The following SNRPC variants were observed in gnomAD, a reference collection of about 807,000 sequenced individuals.
The protein encoded by SNRPC is U1 small nuclear ribonucleoprotein C.
In SNRPC, 5 loss-of-function variants were observed where a neutral mutation model predicts 20.0. That is an observed-to-expected ratio of 0.25 (90% CI 0.13 to 0.53). The LOEUF is 0.53. SNRPC is among the 20% of genes least tolerant of loss of function. The pLI is 0.96. For synonymous variants in SNRPC, 61 were observed against 58.7 expected (o/e 1.04, Z -0.18); for missense variants, 112 against 224.1 (o/e 0.50, Z 3.19).
chr6:34,772,761 C>T (rs1005136097), intron 5 of SNRPC, among the ~76,000 whole-genome samples: 1 of 152,154 alleles, frequency 6.6e-6, no homozygotes, highest in Non-Finnish European at 1.5e-5. Context: ...TGTTCCTCCC[C>T]TACCCCTCTG....
Position 34,767,903 on chromosome 6 carries a change from C to CTCA in SNRPC, c.161-5_161-4insTCA. The CTCA allele has an allele frequency of 6.7e-7, 1 of 1,491,512 alleles. No homozygotes were observed. The highest frequency in any genetic ancestry group is 9.0e-7 in the Non-Finnish European group (1 of 1,109,488). 92.4% of individuals were successfully genotyped at this position (1,491,512 alleles called of 1,614,324 possible). A position where few individuals can be genotyped will look rare whatever the true frequency, so the allele number is the denominator to read the frequency against. On this transcript the variant is annotated splice_polypyrimidine_tract_variant and splice_region_variant and intron_variant, in intron 3 of 5. Transcript: ENST00000244520. ...TTTTTTTTTTTTTTTCCTCACCCTC[C>CTCA]AAAGCGGCTGCATTTCAACAAGGAA...
In SNRPC at chr6:34,773,419, C is replaced by G; in HGVS notation, c.356-27C>G. ...AATCGTATTTTCTGACTCCCTTTTT[C>G]TCCCTCTTCTTTGTTTTGTCCTGCA... On this transcript the variant is annotated intron_variant, in intron 5 of 5. Coordinates refer to ENST00000244520, the MANE Select transcript of SNRPC (RefSeq NM_003093.3). This position sits in a 1 kb window ranked among gnomAD's most constrained non-coding sequence, Gnocchi z 4.1. The G allele has an allele frequency of 6.2e-7, 1 of 1,604,630 alleles. No homozygotes were observed. The highest frequency in any genetic ancestry group is 1.1e-5 in the South Asian group (1 of 90,538).
intron 3 of SNRPC, among the ~76,000 whole-genome samples, chr6:34,765,969 G>A (rs7758743): frequency 0.15 from 22,133 of 151,766 alleles, 1,957 homozygotes; most frequent in African/African-American, 0.25. Context: ...TTGAACTCCT[G>A]GCCTCAAGCA....
Position 34,768,015 on chromosome 6 carries a change from A to C in SNRPC, c.250+18A>C. ...CAGCCTTCGTAAGTTTAAACTTTTA[A>C]TCTTAAGGGGTGTGACGGGGCAGGC... is the stretch of plus-strand genomic sequence containing the variant. On this transcript the variant is annotated intron_variant, in intron 4 of 5. Coordinates refer to ENST00000244520, the MANE Select transcript of SNRPC (RefSeq NM_003093.3). 1 of 1,603,028 alleles carries C rather than the reference A, an allele frequency of 6.2e-7. No individual in the cohort carries two copies.
intron 2 of SNRPC, 83 bp from the exon 3 acceptor site, chr6:34,762,512 T>C: frequency 1.4e-6 from 1 of 709,342 alleles, no homozygotes; most frequent in Non-Finnish European, 2.5e-6. Context: ...CTAGACACGC[T>C]ACTTATATAA....
At chr6:34,762,524 G>C (rs141396320) in intron 2 of SNRPC, 71 bp from the exon 3 acceptor site, 12,073 of 798,084 alleles carry the variant, frequency 0.015, 124 homozygotes, top group Middle Eastern at 0.022. Flanking sequence ...CTTATATAAA[G>C]GTAAAACTTT....
At chr6:34,763,564 C>T (rs1764566428) in intron 3 of SNRPC, among the ~76,000 whole-genome samples, 1 of 151,098 alleles carries the variant, frequency 6.6e-6, no homozygotes, top group South Asian at 2.1e-4. Context: ...GCTTCTAATC[C>T]CAGCTACTCA....
chr6:34,762,141 A>G (rs1458156715), intron 2 of SNRPC, among the ~76,000 whole-genome samples: 1 of 152,096 alleles, frequency 6.6e-6, no homozygotes, highest in East Asian at 1.9e-4. Flanking sequence ...TCATCTCTAC[A>G]AAAAATTAAA....
chr6:34,768,380 G>A (rs1764641824), intron 4 of SNRPC, among the ~76,000 whole-genome samples: 1 of 152,110 alleles, frequency 6.6e-6, no homozygotes, highest in African/African-American at 2.4e-5. Context: ...AGCACTGGAG[G>A]ATTAAAATAG....
intron 1 of SNRPC, 31 bp from the exon 2 acceptor site, chr6:34,757,881 G>T (rs28398813): frequency 0.35 from 564,473 of 1,611,830 alleles, 104,775 homozygotes; most frequent in African/African-American, 0.68. Flanking sequence ...AGTGGTTGTC[G>T]TCTTTTTCTC....
At chr6:34,761,285 G>A (rs369655685) in intron 2 of SNRPC, among the ~76,000 whole-genome samples, 1 of 151,058 alleles carries the variant, frequency 6.6e-6, no homozygotes, top group African/African-American at 2.4e-5. Context: ...GATTACAGGC[G>A]CGTGCCATCA....
chr6:34,771,328 C>T (rs1339281453), intron 5 of SNRPC, among the ~76,000 whole-genome samples: 2 of 63,804 alleles, frequency 3.1e-5, no homozygotes, highest in Non-Finnish European at 7.3e-5. Flanking sequence ...GACTGTGTCT[C>T]AAAAAAAAAA....
At chr6:34,768,945 A>G (rs568158514) in intron 4 of SNRPC, among the ~76,000 whole-genome samples, 1 of 152,096 alleles carries the variant, frequency 6.6e-6, no homozygotes, top group East Asian at 1.9e-4. Context: ...AATCACATTC[A>G]GGACCTAGAC....
intron 2 of SNRPC, among the ~76,000 whole-genome samples, chr6:34,761,607 G>A (rs941696629): frequency 2.6e-4 from 35 of 135,798 alleles, no homozygotes; most frequent in African/African-American, 9.8e-4. Flanking sequence ...TGCAAGCTCC[G>A]CCTCCTGGGT....
At chr6:34,772,209 T>C (rs192018332) in intron 5 of SNRPC, among the ~76,000 whole-genome samples, 13 of 152,334 alleles carry the variant, frequency 8.5e-5, no homozygotes, top group African/African-American at 2.9e-4. Context: ...TATACTCTTC[T>C]TTACTATTCT....
At chr6:34,767,764 C>A in intron 3 of SNRPC, 144 bp from the exon 4 acceptor site, 2 of 792,492 alleles carry the variant, frequency 2.5e-6, no homozygotes, top group Non-Finnish European at 3.6e-6. Flanking sequence ...AACTGTAGAA[C>A]CATGATGTAA....
intron 4 of SNRPC, among the ~76,000 whole-genome samples, chr6:34,769,091 C>T (rs1764653525): frequency 6.6e-6 from 1 of 152,180 alleles, no homozygotes; most frequent in South Asian, 2.1e-4. Context: ...CTGGTCAGGC[C>T]TCAGCCCATA....
At chr6:34,760,197 C>G (rs1490084059) in intron 2 of SNRPC, among the ~76,000 whole-genome samples, 1 of 147,884 alleles carries the variant, frequency 6.8e-6, no homozygotes, top group African/African-American at 2.5e-5. Flanking sequence ...ACTGCAGCCT[C>G]TGCGTCCCAG....
chr6:34,760,161 G>A (rs1764516211), intron 2 of SNRPC, among the ~76,000 whole-genome samples: 1 of 142,092 alleles, frequency 7.0e-6, no homozygotes, highest in African/African-American at 2.6e-5. Context: ...TTCCTGGGCT[G>A]GAGTGCAATG....
Sources: gnomAD v4.1 joint callset for allele counts (sites outside exome capture counted in the v4.1 genomes callset) on GRCh38, gnomAD v4.1.1 for gene constraint, Gnocchi (gnomAD v3.1) non-coding constraint, MANE v1.5 for transcripts, NCBI Gene and HGNC (gene_info 2026-07-23, HGNC 2026-07-21) for gene names.